The following CCNJL variants were observed in gnomAD, a reference collection of about 807,000 sequenced individuals.
CCNJL encodes cyclin J like.
In CCNJL, 33 loss-of-function variants were observed where a neutral mutation model predicts 33.4. That is an observed-to-expected ratio of 0.99 (90% CI 0.75 to 1.32). The LOEUF is 1.32. Ranked by LOEUF, CCNJL falls within the 40% of genes most tolerant of loss-of-function variation. CCNJL has a pLI of 0.00. For synonymous variants in CCNJL, 227 were observed against 220.9 expected (o/e 1.03, Z -0.24); for missense variants, 512 against 499.7 (o/e 1.02, Z -0.23).
intron 1 of CCNJL, among the ~76,000 whole-genome samples, chr5:160,336,365 G>A (rs1471551965): frequency 6.6e-6 from 1 of 152,204 alleles, no homozygotes; most frequent in Non-Finnish European, 1.5e-5. Flanking sequence ...CACAAAGAGA[G>A]GAGAACCACT....
At chr5:160,312,653 G>A (rs1245227032), upstream of CCNJL, 2 of 151,836 alleles carry the variant, frequency 1.3e-5, no homozygotes, top group Non-Finnish European at 2.9e-5. Context: ...CCGCGGGGCG[G>A]GGGGCTGGGA....
chr5:160,262,736 C>T (rs1761398549), intron 3 of CCNJL, among the ~76,000 whole-genome samples: 1 of 152,204 alleles, frequency 6.6e-6, no homozygotes, highest in South Asian at 2.1e-4. Context: ...CAGAGTTAAC[C>T]TGGGCTTGGC....
chr5:160,334,149 C>T (rs1223608196), intron 1 of CCNJL, among the ~76,000 whole-genome samples: 1 of 152,196 alleles, frequency 6.6e-6, no homozygotes, highest in African/African-American at 2.4e-5. Context: ...CAGCAACCAC[C>T]CTACTCCATT....
chr5:160,331,478 C>A (rs183207798), intron 1 of CCNJL, among the ~76,000 whole-genome samples: 6 of 152,274 alleles, frequency 3.9e-5, no homozygotes, highest in South Asian at 2.1e-4. Flanking sequence ...CCTGCCTCAG[C>A]CTCCCAAAGT....
rs1561812496 is a variant in CCNJL, at chr5:160,320,837, CTTTCTTTCTTTCCTTCT to C, written n.207-5349_207-5333del. Among the ~76,000 whole-genome samples the C allele has an allele frequency of 1.8e-3, 202 of 112,010 alleles. 1 individual carries two copies. Among genetic ancestry groups the C allele is most frequent in the African/African-American group, 5.2e-3 (161 of 30,688 alleles). The allele number at this position is 112,010 out of a possible 152,430, so 73.5% of individuals were successfully genotyped here. A position where few individuals can be genotyped will look rare whatever the true frequency, so the allele number is the denominator to read the frequency against. On this transcript the variant is annotated intron_variant and non_coding_transcript_variant, in intron 1 of 7. Coordinates refer to the CCNJL transcript ENST00000377503. The stretch of plus-strand genomic sequence containing the variant: ...TCTTTCTTTCTTTCTTTCTTTCTTT[CTTTCTTTCTTTCCTTCT>C]TTCTTTCTTTCTTTCTCTCTTTCTT...
rs576650731 is a variant in CCNJL at position 160,319,733 on chromosome 5, C to T, written n.207-4228G>A. On this transcript the variant is annotated intron_variant and non_coding_transcript_variant, in intron 1 of 7. Coordinates refer to the CCNJL transcript ENST00000377503. ...ATCACCTGAGTCCAGTAGCTTAAGA[C>T]GAGCCTAGGAAACATAGTGAGACCG... 1.6e-3 allele frequency among the ~76,000 whole-genome samples: 246 copies of T among 152,158 alleles called. 1 individual carries two copies. Among genetic ancestry groups the T allele is most frequent in the Middle Eastern group, 0.014 (4 of 294 alleles).
chr5:160,266,954 G>A (rs748207173), intron 3 of CCNJL, among the ~76,000 whole-genome samples: 1 of 152,182 alleles, frequency 6.6e-6, no homozygotes, highest in Non-Finnish European at 1.5e-5. Flanking sequence ...GAGGAAGAAA[G>A]GGGAGTGAGT....
chr5:160,282,977 A>ATATATG (rs1347723929), intron 2 of CCNJL, among the ~76,000 whole-genome samples: 9 of 49,892 alleles, frequency 1.8e-4, no homozygotes, highest in African/African-American at 9.1e-4. Flanking sequence ...ATATATATAT[A>ATATATG]TATATATATA....
chr5:160,311,927 G>A lies in CCNJL; in HGVS notation c.-4C>T, dbSNP rs764078926. ...CCCACCACGGCTCATCCATCATCGC[G>A]TACGCAGCGCCGCTATCCGAGGCTA... On this transcript the variant is annotated 5_prime_UTR_variant, in exon 2 of 6. The change creates a new upstream start codon in the 5' untranslated region. Transcript: ENST00000257536. The A allele has an allele frequency of 1.2e-6, 2 of 1,613,934 alleles. No homozygotes were observed. The highest frequency in any genetic ancestry group is 1.7e-6 in the Non-Finnish European group (2 of 1,179,884).
At chr5:160,295,915 C>T (rs1052631629) in intron 2 of CCNJL, among the ~76,000 whole-genome samples, 6 of 152,186 alleles carry the variant, frequency 3.9e-5, no homozygotes, top group Admixed American at 3.3e-4. Flanking sequence ...TTTCCTGTCT[C>T]ACCGAATCAG....
intron 3 of CCNJL, chr5:160,261,184 C>T (rs1761314366): frequency 6.6e-6 from 1 of 152,250 alleles, no homozygotes; most frequent in Admixed American, 6.5e-5. Flanking sequence ...AGATACAACA[C>T]ATTCCTGAGG....
At chr5:160,313,669 C>T (rs908610608), upstream of CCNJL, among the ~76,000 whole-genome samples, 20 of 152,224 alleles carry the variant, frequency 1.3e-4, no homozygotes, top group African/African-American at 4.8e-4. Context: ...AATGTGCAGG[C>T]TCTTAATGAA....
intron 3 of CCNJL, among the ~76,000 whole-genome samples, chr5:160,272,257 A>G (rs1431917291): frequency 6.6e-6 from 1 of 152,220 alleles, no homozygotes; most frequent in Non-Finnish European, 1.5e-5. Context: ...CAGAAGCAAC[A>G]GTTGCCAAGT....
At chr5:160,278,606 G>C (rs1298013892) in intron 3 of CCNJL, among the ~76,000 whole-genome samples, 1 of 152,196 alleles carries the variant, frequency 6.6e-6, no homozygotes, top group African/African-American at 2.4e-5. Context: ...GGGGGCGTCT[G>C]CCTCTCTGTC....
Position 160,251,495 on chromosome 5 carries a change from G to A in CCNJL, c.*1883C>T, listed in dbSNP as rs1760802328. 6.6e-6 allele frequency: 1 copy of A among 152,224 alleles called. No individual in the cohort carries two copies. The highest frequency in any genetic ancestry group is 2.4e-5 in the African/African-American group (1 of 41,450). 9.4% of individuals were successfully genotyped at this position (152,224 alleles called of 1,614,324 possible). ...CCCTCCGCTGGCCTCTGTGTGCCCA[G>A]GGAGGCCCAGCTCCTACTCAGAGGG... On this transcript the variant is annotated 3_prime_UTR_variant, in exon 6 of 6. Transcript: ENST00000257536.
chr5:160,312,596 G>C (rs1222913235), upstream of CCNJL: 2 of 151,612 alleles, frequency 1.3e-5, no homozygotes, highest in African/African-American at 4.8e-5. Context: ...CTCGCTGGGG[G>C]AATTGGGGGC....
chr5:160,260,970 G>A (rs13353934), intron 3 of CCNJL: 6,708 of 152,438 alleles, frequency 0.044, 229 homozygotes, highest in South Asian at 0.19. Context: ...GCCTCATGGG[G>A]TGTGGAGCTG....
At position 160,253,313 on chromosome 5, in the gene CCNJL, T is replaced by C; in HGVS notation, c.*65A>G. 6.8e-7 allele frequency: 1 copy of C among 1,478,642 alleles called. No homozygotes were observed. Among genetic ancestry groups the C allele is most frequent in the Non-Finnish European group, 9.1e-7 (1 of 1,102,208 alleles). The allele number at this position is 1,478,642 out of a possible 1,614,324, so 91.6% of individuals were successfully genotyped here. On this transcript the variant is annotated 3_prime_UTR_variant, in exon 6 of 6. Coordinates refer to ENST00000257536, the MANE Select transcript of CCNJL (RefSeq NM_001308173.3). The stretch of plus-strand genomic sequence containing the variant: ...CCTGCTGCCTCACTTGGCTGAGCTC[T>C]CCTCTTCAGTGTCCTCTTCCTCTGC...
chr5:160,280,846 T>TC, intron 2 of CCNJL, 108 bp from the exon 3 acceptor site: 1 of 772,422 alleles, frequency 1.3e-6, no homozygotes, highest in Non-Finnish European at 2.2e-6. Flanking sequence ...AACGATTCCC[T>TC]CCATACCCTT....
Sources: allele counts gnomAD v4.1 joint callset (sites outside exome capture counted in the v4.1 genomes callset), GRCh38; gene constraint gnomAD v4.1.1; transcripts MANE v1.5; gene names NCBI Gene and HGNC (gene_info 2026-07-23, HGNC 2026-07-21).